Variants in WDR86 observed in about 807,000 individuals in gnomAD.
The protein encoded by WDR86 is WD repeat-containing protein 86.
Under a neutral mutation model 36.5 loss-of-function variants are expected in WDR86, and 30 were observed. The observed-to-expected ratio is 0.82, with a 90% CI of 0.61 to 1.11. WDR86 has a LOEUF of 1.11. WDR86 is among the 50% of genes most tolerant of loss of function. The pLI is 0.00. For synonymous variants in WDR86, 255 were observed against 252.9 expected, an observed-to-expected ratio of 1.01 and a Z score of -0.08; for missense variants, 545 against 561.2, an observed-to-expected ratio of 0.97 and a Z score of 0.29.
At chr7:151,377,329 C>T (rs1798348081), downstream of WDR86, 3 of 758,392 alleles carry the variant, frequency 4.0e-6, no homozygotes, top group South Asian at 2.1e-5. Context: ...ATTACAAGTC[C>T]TCTTTGGGTG....
chr7:151,397,603 T>C (rs62490298), intron 2 of WDR86, among the ~76,000 whole-genome samples: 19,927 of 97,734 alleles, frequency 0.2, 2,029 homozygotes, highest in East Asian at 0.45. Context: ...ATGCTGCTGC[T>C]GCAAAGTGCG....
intron 3 of WDR86, among the ~76,000 whole-genome samples, chr7:151,395,188 C>A (rs1052201479): frequency 1.3e-5 from 2 of 152,192 alleles, no homozygotes; most frequent in Non-Finnish European, 2.9e-5. Context: ...GAGGACGGAG[C>A]CCAGGAGGCT....
chr7:151,375,529 T>C (rs1178824208), downstream of WDR86, among the ~76,000 whole-genome samples: 2 of 152,232 alleles, frequency 1.3e-5, no homozygotes, highest in African/African-American at 4.8e-5. Context: ...CAGGCAGCCC[T>C]GAGCTGCTTG....
downstream of WDR86, among the ~76,000 whole-genome samples, chr7:151,379,222 C>T (rs529674032): frequency 1.6e-4 from 24 of 151,836 alleles, no homozygotes; most frequent in South Asian, 3.5e-3. Context: ...AGAATGGGGG[C>T]GGATGGTATG....
intron 1 of WDR86, among the ~76,000 whole-genome samples, chr7:151,407,078 T>C (rs780065067): frequency 4.6e-5 from 7 of 152,246 alleles, no homozygotes; most frequent in Non-Finnish European, 1.0e-4. Context: ...AGATGACCTC[T>C]GTCCCCGTCC....
At chr7:151,370,975 C>T (rs963537501), downstream of WDR86, among the ~76,000 whole-genome samples, 1 of 152,070 alleles carries the variant, frequency 6.6e-6, no homozygotes, top group Non-Finnish European at 1.5e-5. Flanking sequence ...AGCCGAGAGG[C>T]CACAGGACAG....
chr7:151,397,055 C>G (rs1799874691), intron 2 of WDR86, among the ~76,000 whole-genome samples: 1 of 152,256 alleles, frequency 6.6e-6, no homozygotes. Flanking sequence ...TGCACAGAAC[C>G]TCAGAAGGTC....
At chr7:151,399,492 C>T (rs1800125878) in intron 2 of WDR86, among the ~76,000 whole-genome samples, 1 of 152,240 alleles carries the variant, frequency 6.6e-6, no homozygotes. Context: ...GCCAGGAGGC[C>T]TCCCTCGGGA....
chr7:151,406,252 C>T lies in WDR86; in HGVS notation c.163+3175G>A, dbSNP rs192001980. On this transcript the variant is annotated intron_variant, in intron 1 of 5. Coordinates refer to ENST00000334493, the MANE Select transcript of WDR86 (RefSeq NM_198285.3). The surrounding 1 kb of genome is among the most constrained non-coding windows in gnomAD (Gnocchi z 4.4). ...GGAGCAGCACCTCACCCACCAACCC[C>T]GCACGCCACAGGGAACGGCCTTCAC... Among the ~76,000 whole-genome samples the T allele has an allele frequency of 3.6e-4, 55 of 152,288 alleles. No homozygotes were observed. In the East Asian group the frequency reaches 3.7e-3, roughly 10 times the overall value.
downstream of WDR86, chr7:151,374,554 C>A: frequency 2.3e-6 from 1 of 434,958 alleles, no homozygotes; most frequent in Non-Finnish European, 4.2e-6. Flanking sequence ...CAGGCAGTTT[C>A]CACGGCAGAA....
At chr7:151,403,688 C>T (rs918100021) in intron 1 of WDR86, among the ~76,000 whole-genome samples, 11 of 152,226 alleles carry the variant, frequency 7.2e-5, no homozygotes, top group African/African-American at 2.7e-4. Flanking sequence ...TACATGTCGG[C>T]TTAAACATTG....
chr7:151,399,370 C>T (rs1800118437), intron 2 of WDR86, among the ~76,000 whole-genome samples: 1 of 152,166 alleles, frequency 6.6e-6, no homozygotes, highest in African/African-American at 2.4e-5. Flanking sequence ...TGGTCTGCGC[C>T]CCCAGCCCCA....
intron 2 of WDR86, among the ~76,000 whole-genome samples, chr7:151,399,198 T>C (rs578091448): frequency 6.6e-6 from 1 of 152,320 alleles, no homozygotes; most frequent in East Asian, 1.9e-4. Flanking sequence ...TCCCCGTCCA[T>C]CGACTATCGA....
At chr7:151,375,329 T>G (rs1344400958), downstream of WDR86, among the ~76,000 whole-genome samples, 2 of 152,166 alleles carry the variant, frequency 1.3e-5, no homozygotes, top group Non-Finnish European at 2.9e-5. Flanking sequence ...GGTCTCAAAA[T>G]AGATGTGAAT....
At chr7:151,377,329 C>A, downstream of WDR86, 5 of 758,378 alleles carry the variant, frequency 6.6e-6, no homozygotes, top group Middle Eastern at 4.0e-4. Context: ...ATTACAAGTC[C>A]TCTTTGGGTG....
At chr7:151,376,540 TAAAC>T (rs1463725227), downstream of WDR86, 38 of 1,254,460 alleles carry the variant, frequency 3.0e-5, no homozygotes, top group Non-Finnish European at 4.1e-5. Context: ...CGGGAGCTCT[TAAAC>T]ATGAGAGTCG....
At chr7:151,374,690 C>T (rs768909845), downstream of WDR86, 8 of 193,700 alleles carry the variant, frequency 4.1e-5, no homozygotes, top group Non-Finnish European at 6.6e-5. Flanking sequence ...CAAAGAACCC[C>T]TCAGGAGTGA....
rs1384275504 is a variant in WDR86 at position 151,397,689 on chromosome 7, AAG to A, written c.306-1495_306-1494del. ...GCGGGAGGAAGAGCATAGCGGGAGG[AAG>A]AGGGTGTAGTGGGAGGAAGGGCATA... On this transcript the variant is annotated intron_variant, in intron 2 of 5. Coordinates refer to ENST00000334493, the MANE Select transcript of WDR86 (RefSeq NM_198285.3). 3.9e-3 allele frequency among the ~76,000 whole-genome samples: 212 copies of A among 54,110 alleles called. 2 individuals carry two copies. The highest frequency in any genetic ancestry group is 0.012 in the East Asian group (15 of 1,284). The allele number at this position is 54,110 out of a possible 152,430, so 35.5% of individuals were successfully genotyped here.
chr7:151,395,357 C>T (rs967458678), intron 3 of WDR86, among the ~76,000 whole-genome samples: 1 of 152,184 alleles, frequency 6.6e-6, no homozygotes, highest in East Asian at 1.9e-4. Flanking sequence ...ATTCACGTGT[C>T]GCAGCCCTAC....
Sources: allele counts gnomAD v4.1 joint callset (sites outside exome capture counted in the v4.1 genomes callset), GRCh38; gene constraint gnomAD v4.1.1; non-coding constraint Gnocchi (gnomAD v3.1); transcripts MANE v1.5; gene names NCBI Gene and HGNC (gene_info 2026-07-23, HGNC 2026-07-21).